The following COL4A4 variants were observed in gnomAD, a reference collection of about 807,000 sequenced individuals.
COL4A4 encodes the protein collagen type IV alpha 4 chain, also known as collagen alpha-4(IV) chain.
In COL4A4, 105 loss-of-function variants were observed where a neutral mutation model predicts 192.9. The ratio of observed to expected loss-of-function variants is 0.54; its 90% CI spans 0.46 to 0.64. The LOEUF (loss-of-function observed/expected upper bound fraction) is 0.64. Among genes scored for constraint, COL4A4 ranks in the 30% least tolerant of loss-of-function variants. The pLI, the probability that COL4A4 is intolerant of heterozygous loss-of-function variation, is 0.00. For synonymous variants in COL4A4, 762 were observed against 769.9 expected (o/e 0.99, Z 0.17); for missense variants, 1,967 against 2,169.3 (o/e 0.91, Z 1.85).
At chr2:227,002,318 C>A, downstream of COL4A4, among the ~76,000 whole-genome samples, 1 of 152,142 alleles carries the variant, frequency 6.6e-6, no homozygotes, top group African/African-American at 2.4e-5. Flanking sequence ...GTAACAATAT[C>A]TTTGGTTTCA....
chr2:227,020,909 C>T (rs150937247), intron 44 of COL4A4, among the ~76,000 whole-genome samples: 3,623 of 101,964 alleles, frequency 0.036, 150 homozygotes, highest in African/African-American at 0.14. Context: ...GATGGAGTTT[C>T]GCTCTTGTTG....
chr2:227,160,900 A>C (rs2064775454), intron 1 of COL4A4, among the ~76,000 whole-genome samples: 1 of 152,246 alleles, frequency 6.6e-6, no homozygotes, highest in Non-Finnish European at 1.5e-5. Flanking sequence ...AAAGCACCCA[A>C]GAGCCTAATT....
chr2:227,034,541 CTT>C (rs557795215), intron 37 of COL4A4, among the ~76,000 whole-genome samples: 2 of 143,732 alleles, frequency 1.4e-5, no homozygotes, highest in Non-Finnish European at 1.5e-5. Flanking sequence ...AGTAGCTGTT[CTT>C]TTTTTTTTTT....
intron 25 of COL4A4, among the ~76,000 whole-genome samples, chr2:227,076,095 C>A (rs2059011104): frequency 6.6e-6 from 1 of 152,126 alleles, no homozygotes; most frequent in East Asian, 1.9e-4. Flanking sequence ...CTATTCCCAT[C>A]AAGCTATCAT....
At chr2:227,142,215 C>T (rs16823251) in intron 3 of COL4A4, among the ~76,000 whole-genome samples, 3,151 of 151,822 alleles carry the variant, frequency 0.021, 102 homozygotes, top group African/African-American at 0.071. Flanking sequence ...GTAAACATTC[C>T]CCAATAAATA....
intron 37 of COL4A4, among the ~76,000 whole-genome samples, chr2:227,038,783 C>T (rs1970222627): frequency 6.6e-6 from 1 of 152,216 alleles, no homozygotes; most frequent in Non-Finnish European, 1.5e-5. Flanking sequence ...TTAGTTAGAA[C>T]ATACTGCAAA....
At chr2:227,068,496 G>T (rs2058494654) in intron 25 of COL4A4, among the ~76,000 whole-genome samples, 2 of 152,178 alleles carry the variant, frequency 1.3e-5, no homozygotes, top group Non-Finnish European at 2.9e-5. Context: ...GAATCCAGCA[G>T]CACATCAAAA....
At chr2:227,075,297 C>T (rs928032068) in intron 25 of COL4A4, among the ~76,000 whole-genome samples, 4 of 152,056 alleles carry the variant, frequency 2.6e-5, no homozygotes, top group African/African-American at 9.7e-5. Context: ...AAAAGCATAT[C>T]CACCACGATC....
At chr2:227,106,424 A>G (rs2060846299) in intron 12 of COL4A4, among the ~76,000 whole-genome samples, 2 of 152,242 alleles carry the variant, frequency 1.3e-5, no homozygotes, top group African/African-American at 4.8e-5. Flanking sequence ...AAGGAAAACT[A>G]TGAAGAATTA....
chr2:227,051,960 C>A (rs553474456), intron 32 of COL4A4, among the ~76,000 whole-genome samples: 1 of 152,062 alleles, frequency 6.6e-6, no homozygotes, highest in Non-Finnish European at 1.5e-5. Context: ...GAGGCCGAGG[C>A]GGGTGGATCA....
rs544748661 is a variant in COL4A4, at chr2:227,092,484, G to A, written c.1369+1641C>T. ...GGCAACAAATTAAAAAATGCAACCTGACCTAATCTGAACAACTCAAAAAGC... is the reference window on the plus strand; with the variant it reads ...GGCAACAAATTAAAAAATGCAACCTAACCTAATCTGAACAACTCAAAAAGC... On this transcript the variant is annotated intron_variant, in intron 20 of 47. Transcript: ENST00000396625. Among the ~76,000 whole-genome samples the A allele has an allele frequency of 9.2e-5, 14 of 152,240 alleles. No homozygotes were observed. In the South Asian group the frequency reaches 2.7e-3, roughly 29 times the overall value.
intron 22 of COL4A4, among the ~76,000 whole-genome samples, chr2:227,087,342 T>C (rs1019686727): frequency 6.6e-6 from 1 of 152,198 alleles, no homozygotes; most frequent in Non-Finnish European, 1.5e-5. Context: ...ACTGCCTACT[T>C]GACTTCTTGA....
At chr2:227,121,629 AACAAG>A (rs372393499) in intron 4 of COL4A4, among the ~76,000 whole-genome samples, 1,652 of 151,990 alleles carry the variant, frequency 0.011, 35 homozygotes, top group African/African-American at 0.038. Flanking sequence ...TGAAAGGAAA[AACAAG>A]ACAAGAAAAG....
intron 4 of COL4A4, among the ~76,000 whole-genome samples, chr2:227,136,466 G>A (rs969368232): frequency 2.0e-5 from 3 of 152,176 alleles, no homozygotes; most frequent in African/African-American, 7.2e-5. Context: ...CAGCTGGAGA[G>A]GGTCAAAGGG....
At chr2:227,140,623 T>C (rs182593985) in intron 3 of COL4A4, among the ~76,000 whole-genome samples, 2 of 152,192 alleles carry the variant, frequency 1.3e-5, no homozygotes, top group Admixed American at 1.3e-4. Flanking sequence ...AAAAGCTTGT[T>C]TTTTTTTCAG....
chr2:227,024,490 C>T (rs528612400), intron 43 of COL4A4, among the ~76,000 whole-genome samples: 1 of 152,008 alleles, frequency 6.6e-6, no homozygotes, highest in Admixed American at 6.5e-5. Context: ...ACTCTGTCTC[C>T]AAAAAAATTA....
At chr2:226,989,367 G>C in the COL4A4 span, among the ~76,000 whole-genome samples, 1 of 152,156 alleles carries the variant, frequency 6.6e-6, no homozygotes, top group Non-Finnish European at 1.5e-5. Flanking sequence ...AGGATCATGG[G>C]TACTGTTGGG....
downstream of COL4A4, among the ~76,000 whole-genome samples, chr2:227,001,153 G>A (rs911881445): frequency 7.9e-5 from 12 of 150,990 alleles, no homozygotes; most frequent in African/African-American, 2.9e-4. Context: ...GGAGTGCAGT[G>A]GTACGATCTT....
At chr2:227,138,074 T>A (rs372018717) in intron 4 of COL4A4, among the ~76,000 whole-genome samples, 6 of 151,390 alleles carry the variant, frequency 4.0e-5, no homozygotes, top group Admixed American at 4.0e-4. Context: ...GGAGGGAGGA[T>A]CACTTGAAGC....
Sources: gnomAD v4.1 joint callset for allele counts (sites outside exome capture counted in the v4.1 genomes callset) on GRCh38, gnomAD v4.1.1 for gene constraint, MANE v1.5 for transcripts, NCBI Gene and HGNC (gene_info 2026-07-23, HGNC 2026-07-21) for gene names.